Variants in SIPA1L1 observed in about 807,000 individuals in gnomAD.
SIPA1L1 encodes the protein signal-induced proliferation-associated 1-like protein 1.
SIPA1L1 carries 26 observed loss-of-function variants against 162.7 expected under a neutral mutation model. The observed-to-expected ratio is 0.16, with a 90% CI of 0.12 to 0.22. The LOEUF is 0.22. Ranked by LOEUF, SIPA1L1 falls within the 10% of genes least tolerant of loss-of-function variation. SIPA1L1 has a pLI of 1.00. For synonymous variants in SIPA1L1, 829 were observed against 837.4 expected, an observed-to-expected ratio of 0.99 and a Z score of 0.17; for missense variants, 1,874 against 2,241.0, an observed-to-expected ratio of 0.84 and a Z score of 3.31.
chr14:71,562,852 G>C (rs1239597876), intron 4 of SIPA1L1, among the ~76,000 whole-genome samples: 1 of 152,106 alleles, frequency 6.6e-6, no homozygotes, highest in African/African-American at 2.4e-5. Context: ...GTGGGGTTTT[G>C]CCATGTTGGT....
chr14:71,670,986 G>A (rs2044461379), intron 10 of SIPA1L1, 133 bp from the exon 11 acceptor site: 3 of 723,400 alleles, frequency 4.1e-6, no homozygotes, highest in African/African-American at 1.8e-5. Context: ...AGAAATGTGT[G>A]TTGTTTCTCA....
intron 8 of SIPA1L1, among the ~76,000 whole-genome samples, chr14:71,658,003 A>G (rs1304721014): frequency 1.3e-5 from 2 of 152,200 alleles, no homozygotes; most frequent in Non-Finnish European, 2.9e-5. Flanking sequence ...ATATTAGACC[A>G]ACTGCTAAAT....
chr14:71,482,841 G>A (rs928337695), intron 2 of SIPA1L1, among the ~76,000 whole-genome samples: 3 of 152,150 alleles, frequency 2.0e-5, no homozygotes, highest in African/African-American at 7.2e-5. Flanking sequence ...AATAGGACCC[G>A]TAAGGAATTG....
chr14:71,522,507 A>G (rs2052455848), intron 3 of SIPA1L1, among the ~76,000 whole-genome samples: 1 of 152,176 alleles, frequency 6.6e-6, no homozygotes, highest in Admixed American at 6.5e-5. Flanking sequence ...GAGCATCCCT[A>G]TCTGAAAAAC....
chr14:71,735,342 A>G lies in SIPA1L1; in HGVS notation c.5074A>G (p.Ser1692Gly). Residue 1692 changes from serine (S) to glycine (G), a missense_variant, in exon 22 of 24, where the codon AGT becomes GGT. Ser to Gly is a moderately conservative substitution (Grantham distance 56, BLOSUM62 0). This residue lies in a region of SIPA1L1 where 936 missense variants were observed against 1,051.9 expected (regional missense o/e 0.89). Transcript: ENST00000381232. ...TCGCCCCTTGAGTGCTGCATCCAAC[A>G]GTGATCAGCTGGAGGACCAGGCTCT... Reference protein sequence around the residue: ...NHRPLSAASNSDQLEDQALAQ... With the variant: ...NHRPLSAASNGDQLEDQALAQ... 6.2e-7 allele frequency: 1 copy of G among 1,614,150 alleles called. No homozygotes were observed. The highest frequency in any genetic ancestry group is 8.5e-7 in the Non-Finnish European group (1 of 1,179,988).
chr14:71,566,195 T>C (rs1020266434), intron 4 of SIPA1L1, among the ~76,000 whole-genome samples: 2 of 152,212 alleles, frequency 1.3e-5, no homozygotes, highest in Non-Finnish European at 2.9e-5. Flanking sequence ...TGAATGATCT[T>C]AGTCACAAAA....
At chr14:71,408,473 G>T (rs550680241) in intron 2 of SIPA1L1, among the ~76,000 whole-genome samples, 1 of 152,112 alleles carries the variant, frequency 6.6e-6, no homozygotes, top group South Asian at 2.1e-4. Context: ...CAAAAACAAC[G>T]AGTAATAAGA....
chr14:71,362,666 G>T (rs2037922092), intron 2 of SIPA1L1, among the ~76,000 whole-genome samples: 1 of 151,940 alleles, frequency 6.6e-6, no homozygotes, highest in African/African-American at 2.4e-5. Context: ...TTCAATCTTT[G>T]CATGTATTTC....
intron 2 of SIPA1L1, among the ~76,000 whole-genome samples, chr14:71,367,344 T>C (rs1464302085): frequency 2.0e-5 from 3 of 150,616 alleles, no homozygotes; most frequent in Non-Finnish European, 4.4e-5. Context: ...TCTCGCTGTG[T>C]CTCCCAGGCT....
intron 19 of SIPA1L1, among the ~76,000 whole-genome samples, chr14:71,726,650 G>A (rs886317048): frequency 2.0e-5 from 3 of 152,300 alleles, no homozygotes; most frequent in African/African-American, 4.8e-5. Flanking sequence ...CTGTATTACT[G>A]TGAGACTCCG....
intron 7 of SIPA1L1, among the ~76,000 whole-genome samples, chr14:71,644,050 C>T (rs1381710803): frequency 6.6e-6 from 1 of 152,164 alleles, no homozygotes; most frequent in Non-Finnish European, 1.5e-5. Flanking sequence ...TTGTGATTTG[C>T]ACACCTCGGC....
At chr14:71,612,641 C>CA (rs1209114080) in intron 5 of SIPA1L1, among the ~76,000 whole-genome samples, 1 of 152,030 alleles carries the variant, frequency 6.6e-6, no homozygotes. Context: ...GTGCAAGTGA[C>CA]AAAAAATTGA....
At chr14:71,543,953 G>T (rs185185506) in intron 4 of SIPA1L1, among the ~76,000 whole-genome samples, 92 of 145,436 alleles carry the variant, frequency 6.3e-4, no homozygotes, top group Non-Finnish European at 1.1e-3. Flanking sequence ...ATACATATAC[G>T]CACATGTATG....
chr14:71,376,489 A>G (rs193264108), intron 2 of SIPA1L1, among the ~76,000 whole-genome samples: 107 of 150,590 alleles, frequency 7.1e-4, no homozygotes, highest in Non-Finnish European at 1.1e-3. Context: ...TTGAAAAACT[A>G]AAAAATCAGG....
At chr14:71,407,320 T>C (rs568945845) in intron 2 of SIPA1L1, among the ~76,000 whole-genome samples, 113 of 152,264 alleles carry the variant, frequency 7.4e-4, no homozygotes, top group Non-Finnish European at 1.5e-3. Context: ...TGAATTTACA[T>C]GCCTTTGCTT....
intron 12 of SIPA1L1, among the ~76,000 whole-genome samples, chr14:71,673,689 G>C (rs2149395604): frequency 6.6e-6 from 1 of 152,270 alleles, no homozygotes; most frequent in Non-Finnish European, 1.5e-5. Flanking sequence ...ATGTATATAT[G>C]TCAAAATATA....
intron 5 of SIPA1L1, among the ~76,000 whole-genome samples, chr14:71,615,066 C>T (rs573085138): frequency 1.3e-5 from 2 of 152,184 alleles, no homozygotes; most frequent in African/African-American, 4.8e-5. Context: ...AAAGTAAACA[C>T]TTTTATTTTC....
rs1376757149 is a variant in SIPA1L1, at chr14:71,730,189, T to C, written c.4749T>C (p.Leu1583=). 1 of 1,613,998 alleles carries C rather than the reference T, an allele frequency of 6.2e-7. No homozygotes were observed. The highest frequency in any genetic ancestry group is 8.5e-7 in the Non-Finnish European group (1 of 1,180,026). The change falls in exon 20 of 24, where the codon CTT becomes CTC. Residue 1583 remains leucine (L), a synonymous_variant. Coordinates refer to ENST00000381232, the MANE Select transcript of SIPA1L1 (RefSeq NM_001386936.1). ...REHFFTSRAS[L]LDQALPNDVL... ...ACTTTTTCACCTCCAGGGCGTCACT[T>C]CTGGACCAAGCCCTGCCCAACGACG... is the stretch of plus-strand genomic sequence containing the variant.
chr14:71,526,242 T>C (rs2052856881), intron 3 of SIPA1L1, among the ~76,000 whole-genome samples: 1 of 152,212 alleles, frequency 6.6e-6, no homozygotes, highest in Non-Finnish European at 1.5e-5. Context: ...AATTTATACC[T>C]TAATGAATTT....
Sources: allele counts gnomAD v4.1 joint callset (sites outside exome capture counted in the v4.1 genomes callset), GRCh38; gene constraint gnomAD v4.1.1; regional missense constraint gnomAD v4.1.1; transcripts MANE v1.5; gene names NCBI Gene and HGNC (gene_info 2026-07-23, HGNC 2026-07-21).